The following SPACDR variants were observed in gnomAD, a reference collection of about 807,000 sequenced individuals.
The protein encoded by SPACDR is uncharacterized protein C7orf61.
At chr7:100,463,429 G>A in the SPACDR span, 19 of 1,613,334 alleles carry the variant, frequency 1.2e-5, no homozygotes, top group East Asian at 4.5e-5. Context: ...CAGACTTGAC[G>A]GCCGTCCTCG....
the SPACDR span, among the ~76,000 whole-genome samples, chr7:100,457,852 TATA>T: frequency 1.1e-4 from 14 of 124,950 alleles, no homozygotes; most frequent in African/African-American, 4.3e-4. Flanking sequence ...TATATATATA[TATA>T]TATTTTTTTT....
At chr7:100,462,306 C>A in the SPACDR span, among the ~76,000 whole-genome samples, 20 of 148,526 alleles carry the variant, frequency 1.3e-4, no homozygotes, top group Admixed American at 9.4e-4. Context: ...CTCCGCCTCC[C>A]GGGTTCATGC....
the SPACDR span, chr7:100,463,484 G>C: frequency 1.2e-6 from 2 of 1,613,822 alleles, no homozygotes; most frequent in Admixed American, 3.3e-5. Flanking sequence ...CTCCACCTCG[G>C]TCTCCTCTGT....
the SPACDR span, chr7:100,463,384 G>A: frequency 6.3e-7 from 1 of 1,599,270 alleles, no homozygotes; most frequent in Non-Finnish European, 8.5e-7. Context: ...ACATCTGCCA[G>A]CCGCTCTGCA....
At chr7:100,463,339 AG>A in the SPACDR span, 1 of 1,529,450 alleles carries the variant, frequency 6.5e-7, no homozygotes, top group Non-Finnish European at 8.8e-7. Context: ...GGAAAGAGGG[AG>A]GGGGTGTTAG....
chr7:100,462,647 G>A, the SPACDR span, among the ~76,000 whole-genome samples: 2 of 152,026 alleles, frequency 1.3e-5, no homozygotes, highest in East Asian at 1.9e-4. Flanking sequence ...CTCCCAAGTA[G>A]CTGGAAATAC....
the SPACDR span, chr7:100,456,674 A>G: frequency 2.3e-6 from 2 of 881,198 alleles, no homozygotes; most frequent in African/African-American, 3.4e-5. Context: ...TTACAACTGG[A>G]ATACATGGAA....
At chr7:100,458,501 T>C in the SPACDR span, among the ~76,000 whole-genome samples, 23 of 152,272 alleles carry the variant, frequency 1.5e-4, no homozygotes, top group African/African-American at 5.5e-4. Flanking sequence ...CCTATCTCTG[T>C]GGCCCCTGGA....
the SPACDR span, among the ~76,000 whole-genome samples, chr7:100,461,872 A>C: frequency 3.3e-5 from 5 of 151,372 alleles, no homozygotes; most frequent in African/African-American, 1.2e-4. Flanking sequence ...GGGTGCCTGT[A>C]GTCCGAGCTA....
the SPACDR span, among the ~76,000 whole-genome samples, chr7:100,457,803 ATGTGTGTGTG>A: frequency 1.4e-5 from 1 of 72,606 alleles, no homozygotes; most frequent in Non-Finnish European, 2.2e-5. Flanking sequence ...ATATATATAT[ATGTGTGTGTG>A]TGTGTGTGTG....
At chr7:100,463,716 A>G in the SPACDR span, 3 of 1,579,334 alleles carry the variant, frequency 1.9e-6, no homozygotes, top group South Asian at 3.3e-5. Flanking sequence ...GAGGAGAGAC[A>G]GGAGAGAGGG....
At chr7:100,457,782 G>A in the SPACDR span, among the ~76,000 whole-genome samples, 4 of 107,188 alleles carry the variant, frequency 3.7e-5, no homozygotes, top group African/African-American at 1.3e-4. Flanking sequence ...CACCATGCCC[G>A]GCTAACTTTT....
At chr7:100,462,837 T>G in the SPACDR span, among the ~76,000 whole-genome samples, 1 of 142,984 alleles carries the variant, frequency 7.0e-6, no homozygotes. Flanking sequence ...TTGCCGGGCA[T>G]GGTGGCTCAT....
At chr7:100,461,152 C>T in the SPACDR span, among the ~76,000 whole-genome samples, 14 of 152,068 alleles carry the variant, frequency 9.2e-5, no homozygotes, top group African/African-American at 2.7e-4. Context: ...GGCAGAATCT[C>T]GGGTCATTGC....
the SPACDR span, among the ~76,000 whole-genome samples, chr7:100,458,859 G>A: frequency 6.6e-6 from 1 of 152,012 alleles, no homozygotes; most frequent in Admixed American, 6.6e-5. Flanking sequence ...GCTGGGAGGC[G>A]GAGGTTGCAG....
the SPACDR span, among the ~76,000 whole-genome samples, chr7:100,459,782 T>C: frequency 1.3e-5 from 2 of 152,166 alleles, no homozygotes; most frequent in African/African-American, 4.8e-5. Context: ...TTCTTATTGC[T>C]GAGTAGTATT....
chr7:100,461,937 G>A, the SPACDR span, among the ~76,000 whole-genome samples: 6 of 139,814 alleles, frequency 4.3e-5, no homozygotes, highest in African/African-American at 8.0e-5. Context: ...AGCTTGCAGC[G>A]AACCGAGATC....
the SPACDR span, among the ~76,000 whole-genome samples, chr7:100,460,129 T>A: frequency 1.3e-5 from 2 of 151,998 alleles, no homozygotes; most frequent in Admixed American, 1.3e-4. Flanking sequence ...GACCTTGTGA[T>A]CCACCTGCCT....
chr7:100,459,825 C>A, the SPACDR span, among the ~76,000 whole-genome samples: 1 of 152,038 alleles, frequency 6.6e-6, no homozygotes, highest in Non-Finnish European at 1.5e-5. Flanking sequence ...TTTAACCATT[C>A]ACCCACTGAA....
Sources: allele counts gnomAD v4.1 joint callset (sites outside exome capture counted in the v4.1 genomes callset), GRCh38; gene constraint gnomAD v4.1.1; transcripts MANE v1.5; gene names NCBI Gene and HGNC (gene_info 2026-07-23, HGNC 2026-07-21).